Variants in GFOD1 observed in about 807,000 individuals in gnomAD.
GFOD1 encodes glucose-fructose oxidoreductase domain-containing protein 1.
Under a neutral mutation model 25.4 loss-of-function variants are expected in GFOD1, and 9 were observed. That is an observed-to-expected ratio of 0.35 (90% CI 0.21 to 0.62). The LOEUF is 0.62. GFOD1 is among the 20% of genes least tolerant of loss of function. The probability of loss-of-function intolerance (pLI) is 0.72; values close to 1 mark genes in which losing one functional copy is unlikely to be tolerated. For synonymous variants in GFOD1, 253 were observed against 245.6 expected (o/e 1.03, Z -0.28); for missense variants, 403 against 556.9 (o/e 0.72, Z 2.78).
At chr6:13,478,513 G>A (rs2127579066) in intron 1 of GFOD1, among the ~76,000 whole-genome samples, 1 of 152,370 alleles carries the variant, frequency 6.6e-6, no homozygotes, top group African/African-American at 2.4e-5. Context: ...GTGCAGCCCA[G>A]ATCAGAATGA....
chr6:13,383,420 A>G (rs891632133), intron 1 of GFOD1, among the ~76,000 whole-genome samples: 6 of 152,256 alleles, frequency 3.9e-5, no homozygotes, highest in Non-Finnish European at 8.8e-5. Flanking sequence ...GAAAGTTCCC[A>G]GTTTCAACAC....
chr6:13,428,909 T>G (rs1459567233), intron 1 of GFOD1, among the ~76,000 whole-genome samples: 1 of 152,234 alleles, frequency 6.6e-6, no homozygotes, highest in Non-Finnish European at 1.5e-5. Flanking sequence ...CTGCTTTTTC[T>G]CTGACCTAGT....
chr6:13,458,188 G>A (rs1379468101), intron 1 of GFOD1, among the ~76,000 whole-genome samples: 1 of 152,108 alleles, frequency 6.6e-6, no homozygotes, highest in Non-Finnish European at 1.5e-5. Flanking sequence ...TGCAATCTCA[G>A]CTAACTGCAA....
chr6:13,403,267 A>G (rs1170688815), intron 1 of GFOD1, among the ~76,000 whole-genome samples: 2 of 152,086 alleles, frequency 1.3e-5, no homozygotes, highest in Non-Finnish European at 2.9e-5. Context: ...CTGGGATTAC[A>G]GGCATGCACC....
At chr6:13,411,909 ACTTCTTGCTCTGC>A (rs1786084566) in intron 1 of GFOD1, among the ~76,000 whole-genome samples, 1 of 152,248 alleles carries the variant, frequency 6.6e-6, no homozygotes, top group African/African-American at 2.4e-5. Context: ...GCCTGGTTCA[ACTTCTTGCTCTGC>A]CTCTTTTTAG....
At chr6:13,390,247 A>G (rs1785560568) in intron 1 of GFOD1, among the ~76,000 whole-genome samples, 1 of 152,226 alleles carries the variant, frequency 6.6e-6, no homozygotes, top group African/African-American at 2.4e-5. Context: ...ACAGTGAGGT[A>G]GTTCCTCCAA....
At chr6:13,377,448 C>T (rs1456500127) in intron 1 of GFOD1, among the ~76,000 whole-genome samples, 1 of 152,168 alleles carries the variant, frequency 6.6e-6, no homozygotes, top group Non-Finnish European at 1.5e-5. Flanking sequence ...GGACTGAGGT[C>T]CCCATCTCCT....
chr6:13,449,002 A>C (rs1045359789), intron 1 of GFOD1, among the ~76,000 whole-genome samples: 77 of 152,188 alleles, frequency 5.1e-4, no homozygotes, highest in African/African-American at 1.8e-3. Context: ...AGGGCTACTC[A>C]AAAAAACAAA....
At chr6:13,399,679 G>A (rs1785804874) in intron 1 of GFOD1, among the ~76,000 whole-genome samples, 1 of 152,238 alleles carries the variant, frequency 6.6e-6, no homozygotes, top group South Asian at 2.1e-4. Context: ...GGCAAAGTGA[G>A]CTATCAGGGC....
At chr6:13,479,475 T>C (rs1473841480) in intron 1 of GFOD1, among the ~76,000 whole-genome samples, 1 of 152,232 alleles carries the variant, frequency 6.6e-6, no homozygotes, top group Non-Finnish European at 1.5e-5. Context: ...ACATCTTATA[T>C]AATGATGCTC....
chr6:13,445,886 G>A (rs563206003), intron 1 of GFOD1, among the ~76,000 whole-genome samples: 3 of 152,288 alleles, frequency 2.0e-5, no homozygotes, highest in East Asian at 1.9e-4. Flanking sequence ...TCAGGTGGAC[G>A]CCACAATGTA....
At chr6:13,403,187 G>A (rs1021476132) in intron 1 of GFOD1, among the ~76,000 whole-genome samples, 1 of 151,106 alleles carries the variant, frequency 6.6e-6, no homozygotes, top group Non-Finnish European at 1.5e-5. Flanking sequence ...GTACAGTGGT[G>A]CGAACTCAGC....
chr6:13,451,906 G>A (rs1422632970), intron 1 of GFOD1, among the ~76,000 whole-genome samples: 5 of 152,154 alleles, frequency 3.3e-5, no homozygotes, highest in Non-Finnish European at 7.4e-5. Context: ...TCATGCAAAC[G>A]GGAAGCAGAC....
At chr6:13,371,406 G>A (rs1353051020) in intron 1 of GFOD1, among the ~76,000 whole-genome samples, 2 of 152,164 alleles carry the variant, frequency 1.3e-5, no homozygotes, top group African/African-American at 4.8e-5. Context: ...ACACCTCTGG[G>A]AGCACCAGGC....
chr6:13,465,218 G>A (rs1758358809), intron 1 of GFOD1, among the ~76,000 whole-genome samples: 1 of 24,014 alleles, frequency 4.2e-5, no homozygotes, highest in South Asian at 0.014. Context: ...AATAGCTGAT[G>A]AGCTAAAAAA....
Position 13,426,434 on chromosome 6 carries a change from T to A in GFOD1, c.253+60204A>T, listed in dbSNP as rs143987895. On this transcript the variant is annotated intron_variant, in intron 1 of 1. Transcript: ENST00000379287. ...CACAAGGGAAATGGGAGCAGTGAAGTGGAGCTGGACCAGGAACCAGACACG... is the reference window on the plus strand; with the variant it reads ...CACAAGGGAAATGGGAGCAGTGAAGAGGAGCTGGACCAGGAACCAGACACG... Among the ~76,000 whole-genome samples the A allele has an allele frequency of 1.7e-3, 259 of 152,332 alleles. 2 individuals are homozygous for A. The highest frequency in any genetic ancestry group is 6.0e-3 in the African/African-American group (249 of 41,574).
At chr6:13,461,108 T>A (rs1264649204) in intron 1 of GFOD1, among the ~76,000 whole-genome samples, 1 of 152,236 alleles carries the variant, frequency 6.6e-6, no homozygotes, top group African/African-American at 2.4e-5. Context: ...TGTATCTTTG[T>A]CTATTGGCAT....
At chr6:13,447,657 C>A (rs1406723015) in intron 1 of GFOD1, among the ~76,000 whole-genome samples, 5 of 133,544 alleles carry the variant, frequency 3.7e-5, no homozygotes, top group Non-Finnish European at 6.2e-5. Flanking sequence ...AGGAGAATCA[C>A]TTGCACCCGG....
At chr6:13,486,148 A>G (rs1758860317) in intron 1 of GFOD1, 1 of 988,382 alleles carries the variant, frequency 1.0e-6, no homozygotes, top group Non-Finnish European at 1.2e-6. Flanking sequence ...CGCACCCAAG[A>G]AAACCCGACA....
Sources: allele counts gnomAD v4.1 joint callset (sites outside exome capture counted in the v4.1 genomes callset), GRCh38; gene constraint gnomAD v4.1.1; transcripts MANE v1.5; gene names NCBI Gene and HGNC (gene_info 2026-07-23, HGNC 2026-07-21).